ARHGEF26: variants seen among roughly 807,000 people sequenced by gnomAD.
ARHGEF26 encodes Rho guanine nucleotide exchange factor 26, also known as Rho guanine nucleotide exchange factor (GEF) 26.
A neutral mutation model predicts 89.4 loss-of-function variants in ARHGEF26; 59 were observed. The ratio of observed to expected loss-of-function variants is 0.66; its 90% CI spans 0.54 to 0.82. The LOEUF (loss-of-function observed/expected upper bound fraction) is 0.82. Among genes scored for constraint, ARHGEF26 ranks in the 40% least tolerant of loss-of-function variants. ARHGEF26 has a pLI of 0.00. For missense variants in ARHGEF26, 1,234 were observed against 1,085.6 expected (o/e 1.14, Z -1.92); for synonymous variants, 500 against 428.4 (o/e 1.17, Z -2.06).
At chr3:154,171,386 A>G (rs767947290) in intron 6 of ARHGEF26, among the ~76,000 whole-genome samples, 24 of 152,188 alleles carry the variant, frequency 1.6e-4, no homozygotes, top group Non-Finnish European at 2.6e-4. Flanking sequence ...CCTAAAGTAC[A>G]TAATTTACAT....
chr3:154,175,758 T>C (rs76507608), intron 6 of ARHGEF26, among the ~76,000 whole-genome samples: 1,613 of 151,714 alleles, frequency 0.011, 22 homozygotes, highest in African/African-American at 0.037. Flanking sequence ...TGGCACTGTA[T>C]GTTTTGTTTT....
chr3:154,214,971 T>TTTC (rs1329282268), intron 9 of ARHGEF26, among the ~76,000 whole-genome samples: 1 of 152,196 alleles, frequency 6.6e-6, no homozygotes, highest in Non-Finnish European at 1.5e-5. Flanking sequence ...TTAGAAATTG[T>TTTC]TTAAGTGCCC....
intron 8 of ARHGEF26, among the ~76,000 whole-genome samples, chr3:154,193,950 T>G (rs1390258998): frequency 1.3e-5 from 2 of 152,038 alleles, no homozygotes; most frequent in African/African-American, 4.8e-5. Context: ...CCCTCCCACC[T>G]TAGCCTCCTG....
At chr3:154,135,862 C>T (rs1032344521) in intron 4 of ARHGEF26, among the ~76,000 whole-genome samples, 6 of 152,126 alleles carry the variant, frequency 3.9e-5, no homozygotes, top group African/African-American at 1.4e-4. Flanking sequence ...CTGTAAGTAC[C>T]CCCTCCACCT....
chr3:154,171,634 A>G (rs945303344), intron 6 of ARHGEF26, among the ~76,000 whole-genome samples: 4 of 152,074 alleles, frequency 2.6e-5, no homozygotes, highest in African/African-American at 7.2e-5. Flanking sequence ...CCCTTGTCCC[A>G]CATAGTCTTT....
chr3:154,141,960 A>G (rs953231695), intron 4 of ARHGEF26, among the ~76,000 whole-genome samples: 1 of 152,226 alleles, frequency 6.6e-6, no homozygotes, highest in Admixed American at 6.5e-5. Flanking sequence ...CAAACAAAAC[A>G]AGGCTAAAAC....
chr3:154,192,991 T>C (rs772539249), intron 8 of ARHGEF26, among the ~76,000 whole-genome samples: 1 of 152,202 alleles, frequency 6.6e-6, no homozygotes, highest in Non-Finnish European at 1.5e-5. Flanking sequence ...CATTATGTTA[T>C]ACAGTGTTGG....
intron 6 of ARHGEF26, among the ~76,000 whole-genome samples, chr3:154,163,825 T>C (rs1236058717): frequency 6.6e-6 from 1 of 152,186 alleles, no homozygotes; most frequent in Non-Finnish European, 1.5e-5. Context: ...GGTTTGGCAT[T>C]GCAGTATTCT....
At position 154,130,263 on chromosome 3, in the gene ARHGEF26, C is replaced by T. The variant is rs539642664; in HGVS notation, c.1269+544C>T. On this transcript the variant is annotated intron_variant, in intron 4 of 14. Transcript: ENST00000465093. ...TCATGTGATTCTCCTGCCTCAGCCT[C>T]CTGAGTAGCTAGGACTGTAGGCGTG... Among the ~76,000 whole-genome samples the T allele has an allele frequency of 1.1e-4, 16 of 150,168 alleles. No individual in the cohort carries two copies. The South Asian group carries it at 3.1e-3, about 30-fold the overall frequency.
At position 154,233,865 on chromosome 3, in the gene ARHGEF26, T is replaced by C. The variant is rs372346280; in HGVS notation, c.2091-6505T>C. 9.8e-5 allele frequency among the ~76,000 whole-genome samples: 15 copies of C among 152,352 alleles called. 2 individuals are homozygous for C. The highest frequency in any genetic ancestry group is 2.0e-4 in the Admixed American group (3 of 15,306). ...GGCAGCTGCTAACTCAGGAAACATT[T>C]GTTGTGGCACCAGCACATTCTAGTA... On this transcript the variant is annotated intron_variant, in intron 11 of 14. Transcript: ENST00000465093.
At chr3:154,243,525 C>G (rs770427248) in intron 12 of ARHGEF26, among the ~76,000 whole-genome samples, 2 of 152,196 alleles carry the variant, frequency 1.3e-5, no homozygotes, top group Non-Finnish European at 2.9e-5. Flanking sequence ...AGCATTTGTT[C>G]CATCCTTTTG....
chr3:154,227,681 G>A (rs902455259), intron 11 of ARHGEF26, among the ~76,000 whole-genome samples: 1 of 152,168 alleles, frequency 6.6e-6, no homozygotes. Flanking sequence ...CTTTCTCCAG[G>A]ATGTTTTGTT....
At chr3:154,145,693 A>G (rs1393458974) in intron 4 of ARHGEF26, among the ~76,000 whole-genome samples, 40 of 152,218 alleles carry the variant, frequency 2.6e-4, no homozygotes, top group Admixed American at 2.6e-3. Context: ...GCATCAGAAC[A>G]TAAATATCCC....
intron 3 of ARHGEF26, 124 bp from the exon 4 acceptor site, chr3:154,129,450 A>C: frequency 1.9e-6 from 2 of 1,077,974 alleles, no homozygotes; most frequent in South Asian, 3.5e-5. Context: ...TCAGGGACTA[A>C]ATCTGTTTGT....
intron 9 of ARHGEF26, among the ~76,000 whole-genome samples, chr3:154,202,093 G>C (rs1311693851): frequency 1.3e-5 from 2 of 152,172 alleles, no homozygotes; most frequent in Non-Finnish European, 2.9e-5. Context: ...CCTATGTCCT[G>C]AATGGTATTG....
At chr3:154,147,566 G>T (rs774424567) in intron 4 of ARHGEF26, among the ~76,000 whole-genome samples, 1 of 152,180 alleles carries the variant, frequency 6.6e-6, no homozygotes, top group Non-Finnish European at 1.5e-5. Flanking sequence ...GGATAAATTT[G>T]ACAGTACTTT....
chr3:154,218,330 T>C (rs1309816730), intron 10 of ARHGEF26, among the ~76,000 whole-genome samples: 1 of 152,230 alleles, frequency 6.6e-6, no homozygotes, highest in Non-Finnish European at 1.5e-5. Flanking sequence ...GCTGGACCAG[T>C]GTTCTCCTAA....
chr3:154,142,534 A>C (rs936762193), intron 4 of ARHGEF26, among the ~76,000 whole-genome samples: 7 of 152,314 alleles, frequency 4.6e-5, no homozygotes, highest in Admixed American at 4.6e-4. Flanking sequence ...TCAGAAACAG[A>C]TTTTGCTCAG....
Position 154,152,796 on chromosome 3 carries a change from G to A in ARHGEF26, c.1351G>A (p.Glu451Lys), listed in dbSNP as rs1576709105. The A allele has an allele frequency of 5.8e-6, 9 of 1,547,372 alleles. No individual in the cohort carries two copies. In the East Asian group the frequency reaches 2.2e-4, roughly 37 times the overall value. ...GGCTATCTTTGAAGTCATATCCTCT[G>A]AACATTCATATTTACTCAGCTTGGA... ...QEAIFEVISS[E>K]HSYLLSLEIL... Residue 451 changes from glutamate to lysine, a missense_variant, in exon 6 of 15, where the codon GAA (glutamate) becomes AAA (lysine). Coordinates refer to ENST00000465093, the MANE Select transcript of ARHGEF26 (RefSeq NM_015595.4).
Sources: gnomAD v4.1 joint callset for allele counts (sites outside exome capture counted in the v4.1 genomes callset) on GRCh38, gnomAD v4.1.1 for gene constraint, MANE v1.5 for transcripts, NCBI Gene and HGNC (gene_info 2026-07-23, HGNC 2026-07-21) for gene names.